The following CRHR1 variants were observed in gnomAD, a reference collection of about 807,000 sequenced individuals.
CRHR1 encodes corticotropin-releasing hormone receptor 1.
A neutral mutation model predicts 56.0 loss-of-function variants in CRHR1; 28 were observed. The ratio of observed to expected loss-of-function variants is 0.50; its 90% CI spans 0.37 to 0.69. CRHR1 has a LOEUF of 0.69. CRHR1 is among the 30% of genes least tolerant of loss of function. The pLI is 0.00. For synonymous variants in CRHR1, 195 were observed against 216.5 expected, an observed-to-expected ratio of 0.90 and a Z score of 0.87; for missense variants, 376 against 548.0, an observed-to-expected ratio of 0.69 and a Z score of 3.13.
At chr17:45,801,285 T>TG (rs2061617147) in intron 1 of CRHR1, among the ~76,000 whole-genome samples, 1 of 152,210 alleles carries the variant, frequency 6.6e-6, no homozygotes, top group Non-Finnish European at 1.5e-5. Flanking sequence ...ACTGTCTTCA[T>TG]GGTTCATCTC....
Position 45,833,712 on chromosome 17 carries a change from A to G in CRHR1, c.930-2A>G. On this transcript the variant is annotated splice_acceptor_variant, in intron 10 of 12. Transcript: ENST00000314537. LOFTEE classifies it high-confidence loss of function. ...CGAGCCTCCCCACCCGCCCCACCCC[A>G]GGAAGGCTGTGAAAGCCACTCTGGT... 3 of 317,408 alleles carry G rather than the reference A, an allele frequency of 9.5e-6. No homozygotes were observed. Among genetic ancestry groups the G allele is most frequent in the South Asian group, 2.3e-5 (1 of 42,602 alleles). 19.7% of individuals were successfully genotyped at this position (317,408 alleles called of 1,614,324 possible).
chr17:45,799,355 A>G (rs2061578544), intron 1 of CRHR1: 1 of 152,256 alleles, frequency 6.6e-6, no homozygotes. Context: ...GTTTCTGAAG[A>G]GTTGATTGCA....
At chr17:45,829,500 C>T (rs2062243266) in intron 5 of CRHR1, 179 bp downstream of exon 5, 8 of 1,484,340 alleles carry the variant, frequency 5.4e-6, no homozygotes, top group Middle Eastern at 1.7e-4. Context: ...TCTGCCCTCT[C>T]CCCAGTAGCT....
At chr17:45,810,661 C>T (rs1240220878) in intron 2 of CRHR1, among the ~76,000 whole-genome samples, 1 of 152,188 alleles carries the variant, frequency 6.6e-6, no homozygotes, top group African/African-American at 2.4e-5. Flanking sequence ...CCATATTCTC[C>T]TCCATGCCTC....
intron 2 of CRHR1, among the ~76,000 whole-genome samples, chr17:45,811,772 C>T (rs1394032134): frequency 6.6e-6 from 1 of 152,196 alleles, no homozygotes; most frequent in Non-Finnish European, 1.5e-5. Context: ...ACTTTAGAAG[C>T]CACCACACTA....
At chr17:45,811,727 C>T (rs368096581) in intron 2 of CRHR1, among the ~76,000 whole-genome samples, 16 of 152,300 alleles carry the variant, frequency 1.1e-4, no homozygotes, top group African/African-American at 3.6e-4. Context: ...AGGTTTTCTC[C>T]CTCACTTCCT....
intron 1 of CRHR1, among the ~76,000 whole-genome samples, chr17:45,802,310 G>A: frequency 6.6e-6 from 1 of 152,172 alleles, no homozygotes; most frequent in East Asian, 1.9e-4. Flanking sequence ...GGGCGACAGA[G>A]CAAGACTGTC....
At position 45,817,021 on chromosome 17, in the gene CRHR1, G is replaced by A. The variant is rs907025187; in HGVS notation, c.241+439G>A. 5.3e-5 allele frequency among the ~76,000 whole-genome samples: 8 copies of A among 152,288 alleles called. No homozygotes were observed. In the East Asian group the frequency reaches 5.8e-4, roughly 11 times the overall value. The stretch of plus-strand genomic sequence containing the variant: ...GAACCTTGAGTCGAGAGGTTCTGAG[G>A]CCTACCCCGGGCCCTCCAGCCAGGA... On this transcript the variant is annotated intron_variant, in intron 3 of 12. Transcript: ENST00000314537.
intron 2 of CRHR1, among the ~76,000 whole-genome samples, chr17:45,814,810 C>T (rs2143038952): frequency 6.6e-6 from 1 of 152,400 alleles, no homozygotes; most frequent in Non-Finnish European, 1.5e-5. Context: ...CTGGGCTTGG[C>T]CCACTCCAGC....
intron 2 of CRHR1, among the ~76,000 whole-genome samples, chr17:45,810,915 A>G (rs2061810546): frequency 6.6e-6 from 1 of 152,220 alleles, no homozygotes; most frequent in Non-Finnish European, 1.5e-5. Context: ...CCCACAGCAC[A>G]TTCCTCTGAC....
chr17:45,807,707 A>G (rs1304599640), intron 2 of CRHR1, among the ~76,000 whole-genome samples: 2 of 152,236 alleles, frequency 1.3e-5, no homozygotes, highest in East Asian at 3.8e-4. Context: ...CGTGCTCTGT[A>G]TCTCTCCAAT....
At chr17:45,824,312 G>A (rs1328922045) in intron 4 of CRHR1, among the ~76,000 whole-genome samples, 1 of 152,196 alleles carries the variant, frequency 6.6e-6, no homozygotes, top group Non-Finnish European at 1.5e-5. Flanking sequence ...AGAGAGGGAT[G>A]GTGTCCAGGA....
chr17:45,809,633 C>T (rs1023292853), intron 2 of CRHR1, among the ~76,000 whole-genome samples: 10 of 152,248 alleles, frequency 6.6e-5, no homozygotes, highest in Admixed American at 1.3e-4. Context: ...TCTTCTGACT[C>T]GTAGACCTAC....
intron 6 of CRHR1, 83 bp downstream of exon 6, chr17:45,830,297 C>A: frequency 6.3e-7 from 1 of 1,598,952 alleles, no homozygotes; most frequent in East Asian, 2.2e-5. Context: ...AGAGGAGGAG[C>A]CCACAGAACA....
rs1324161522 is a variant in CRHR1, at chr17:45,816,611, T to C, written c.241+29T>C. The C allele has an allele frequency of 2.5e-6, 4 of 1,613,450 alleles. No individual in the cohort carries two copies. The South Asian group carries it at 4.4e-5, about 18-fold the overall frequency. Reference sequence around the variant, plus strand: ...AGGAAGAAGTGGAGGGTGGACCATCTGCTGGGAGGTGGGACAGGATGGGGA... The same window carrying C: ...AGGAAGAAGTGGAGGGTGGACCATCCGCTGGGAGGTGGGACAGGATGGGGA... On this transcript the variant is annotated intron_variant, in intron 3 of 12. Transcript: ENST00000314537.
chr17:45,830,290 G>A, intron 6 of CRHR1, 76 bp downstream of exon 6: 3 of 1,601,648 alleles, frequency 1.9e-6, no homozygotes, highest in Non-Finnish European at 2.6e-6. Context: ...GCCCTGCAGA[G>A]GAGGAGCCCA....
chr17:45,794,719 C>T (rs1414451770), intron 1 of CRHR1, among the ~76,000 whole-genome samples: 1 of 152,248 alleles, frequency 6.6e-6, no homozygotes, highest in Non-Finnish European at 1.5e-5. Context: ...GTGGTCGCAG[C>T]CCCTAGTGGG....
At chr17:45,813,609 C>T (rs1487469183) in intron 2 of CRHR1, among the ~76,000 whole-genome samples, 7 of 152,166 alleles carry the variant, frequency 4.6e-5, no homozygotes, top group Non-Finnish European at 7.3e-5. Context: ...CGCAGCTCTG[C>T]GATCGAGGGG....
chr17:45,825,198 G>A (rs2062132537), intron 4 of CRHR1, among the ~76,000 whole-genome samples: 1 of 152,338 alleles, frequency 6.6e-6, no homozygotes, highest in Admixed American at 6.5e-5. Context: ...AAGTCTGCCT[G>A]TGAAATGGGA....
Sources: allele counts gnomAD v4.1 joint callset (sites outside exome capture counted in the v4.1 genomes callset), GRCh38; gene constraint gnomAD v4.1.1; transcripts MANE v1.5; gene names NCBI Gene and HGNC (gene_info 2026-07-23, HGNC 2026-07-21).